Variants in DLGAP2 observed in about 807,000 individuals in gnomAD.
The protein encoded by DLGAP2 is disks large-associated protein 2.
Under a neutral mutation model 100.3 loss-of-function variants are expected in DLGAP2, and 26 were observed. The observed-to-expected ratio is 0.26, with a 90% CI of 0.19 to 0.36. DLGAP2 has a LOEUF of 0.36. DLGAP2 is among the 10% of genes least tolerant of loss of function. The pLI is 1.00. For synonymous variants in DLGAP2, 886 were observed against 630.1 expected (o/e 1.41, Z -6.08); for missense variants, 1,858 against 1,453.2 (o/e 1.28, Z -4.53).
At chr8:1,449,113 T>A (rs992675292) in intron 3 of DLGAP2, among the ~76,000 whole-genome samples, 6 of 152,140 alleles carry the variant, frequency 3.9e-5, no homozygotes, top group Non-Finnish European at 8.8e-5. Context: ...GCCTAATGAT[T>A]ATTAATTCCT....
chr8:1,570,885 G>C (rs1802632478), intron 6 of DLGAP2, among the ~76,000 whole-genome samples: 1 of 147,842 alleles, frequency 6.8e-6, no homozygotes, highest in Non-Finnish European at 1.5e-5. Context: ...AGAGAGAGGG[G>C]TGAACTGGAG....
At chr8:1,191,711 A>G (rs749292802) in intron 2 of DLGAP2, among the ~76,000 whole-genome samples, 63 of 152,244 alleles carry the variant, frequency 4.1e-4, no homozygotes, top group Non-Finnish European at 6.6e-4. Flanking sequence ...CTAACTCTTT[A>G]ATTTCCACCT....
intron 3 of DLGAP2, among the ~76,000 whole-genome samples, chr8:1,390,938 T>C (rs757887): frequency 0.7 from 106,063 of 152,166 alleles, 37,069 homozygotes; most frequent in Non-Finnish European, 0.72. Flanking sequence ...TTAAACACAG[T>C]CAGCATGGCA....
At chr8:1,449,168 A>G (rs1216485082) in intron 3 of DLGAP2, among the ~76,000 whole-genome samples, 1 of 152,142 alleles carries the variant, frequency 6.6e-6, no homozygotes, top group African/African-American at 2.4e-5. Flanking sequence ...AGTCACTTAT[A>G]TGATCACGCT....
At chr8:1,364,477 A>G (rs1802060374) in intron 3 of DLGAP2, among the ~76,000 whole-genome samples, 1 of 100,046 alleles carries the variant, frequency 1.0e-5, no homozygotes, top group South Asian at 3.8e-4. Flanking sequence ...TGCGAGAGGG[A>G]GGCGGGCGCC....
rs369666009 is a variant in DLGAP2, at chr8:1,484,751, A to T, written c.107-16615A>T. Among the ~76,000 whole-genome samples, 16 of 152,332 alleles carry T rather than the reference A, an allele frequency of 1.1e-4. 1 individual carries two copies. The East Asian group carries it at 1.2e-3, about 11-fold the overall frequency. On this transcript the variant is annotated intron_variant, in intron 3 of 14. Coordinates refer to ENST00000637795, the MANE Select transcript of DLGAP2 (RefSeq NM_001346810.2). Reference sequence around the variant, plus strand: ...AAAATTAAACCAACCATAGTTGGGCATCATATCTGAGGGACAGAGGTGGTA... The same window carrying T: ...AAAATTAAACCAACCATAGTTGGGCTTCATATCTGAGGGACAGAGGTGGTA...
chr8:751,008 G>C (rs1820776068), intron 1 of DLGAP2, among the ~76,000 whole-genome samples: 1 of 152,224 alleles, frequency 6.6e-6, no homozygotes, highest in African/African-American at 2.4e-5. Flanking sequence ...GGTGTCGGTA[G>C]GCACGCTGAT....
At chr8:863,862 A>G (rs1262642793) in intron 1 of DLGAP2, among the ~76,000 whole-genome samples, 2 of 152,086 alleles carry the variant, frequency 1.3e-5, no homozygotes, top group African/African-American at 2.4e-5. Flanking sequence ...ACTGGCTACA[A>G]CCCCAAGGAA....
chr8:1,206,416 T>G (rs1324597463), intron 2 of DLGAP2, among the ~76,000 whole-genome samples: 1 of 150,304 alleles, frequency 6.7e-6, no homozygotes, highest in East Asian at 2.0e-4. Context: ...TGGGGTAGAC[T>G]GTGAGCGGTT....
chr8:1,185,205 G>C (rs1292387283), intron 2 of DLGAP2, among the ~76,000 whole-genome samples: 3 of 152,214 alleles, frequency 2.0e-5, no homozygotes, highest in African/African-American at 7.2e-5. Context: ...CCTCTCCAGG[G>C]CTCCACAGAA....
intron 3 of DLGAP2, among the ~76,000 whole-genome samples, chr8:1,417,041 G>C (rs1410274782): frequency 2.9e-5 from 2 of 68,556 alleles, no homozygotes; most frequent in African/African-American, 1.6e-4. Flanking sequence ...CAGCGGTCCC[G>C]CCCCACACTG....
At chr8:1,335,382 G>A (rs774860719) in intron 3 of DLGAP2, among the ~76,000 whole-genome samples, 9 of 152,178 alleles carry the variant, frequency 5.9e-5, no homozygotes, top group Admixed American at 1.3e-4. Flanking sequence ...AGACAGTCCT[G>A]TTCACACTCA....
intron 3 of DLGAP2, among the ~76,000 whole-genome samples, chr8:1,476,962 G>A (rs762361777): frequency 2.0e-5 from 3 of 152,192 alleles, no homozygotes; most frequent in Non-Finnish European, 4.4e-5. Flanking sequence ...CAAGTCAGAC[G>A]GACATTGTGA....
chr8:1,410,802 G>C (rs1288618550), intron 3 of DLGAP2, among the ~76,000 whole-genome samples: 2 of 149,828 alleles, frequency 1.3e-5, no homozygotes, highest in African/African-American at 4.9e-5. Context: ...ACCTTTCCCT[G>C]TGGGAATGTC....
At chr8:1,023,488 A>T (rs1801686447) in intron 2 of DLGAP2, among the ~76,000 whole-genome samples, 1 of 152,158 alleles carries the variant, frequency 6.6e-6, no homozygotes, top group African/African-American at 2.4e-5. Flanking sequence ...ACACCGCAGC[A>T]CCTGGCTGGA....
chr8:912,453 C>T (rs527955177), intron 2 of DLGAP2, among the ~76,000 whole-genome samples: 8 of 152,262 alleles, frequency 5.3e-5, no homozygotes, highest in East Asian at 1.9e-4. Flanking sequence ...ACTGACTTTC[C>T]GATGCTGAGT....
At chr8:1,256,468 C>A (rs1369222857) in intron 2 of DLGAP2, among the ~76,000 whole-genome samples, 8 of 127,320 alleles carry the variant, frequency 6.3e-5, no homozygotes, top group African/African-American at 2.5e-4. Context: ...TGCGTGTCCT[C>A]TCCTGCCTGG....
rs1359683055 is a variant in DLGAP2, at chr8:748,043, T to C, written c.18+10218T>C. ...GCGGGTCTGCGGTGGGATGGGCGGG[T>C]CTGCGGTGGGATGGGCGGGTCTGCG... On this transcript the variant is annotated intron_variant, in intron 1 of 14. Coordinates refer to ENST00000637795, the MANE Select transcript of DLGAP2 (RefSeq NM_001346810.2). 6.1e-4 allele frequency among the ~76,000 whole-genome samples: 7 copies of C among 11,468 alleles called. 1 individual carries two copies. The highest frequency in any genetic ancestry group is 5.5e-3 in the Admixed American group (5 of 902). 7.5% of individuals were successfully genotyped at this position (11,468 alleles called of 152,430 possible). A position where few individuals can be genotyped will look rare whatever the true frequency, so the allele number is the denominator to read the frequency against.
At chr8:1,573,228 G>A (rs969653971) in intron 6 of DLGAP2, among the ~76,000 whole-genome samples, 3 of 134,732 alleles carry the variant, frequency 2.2e-5, no homozygotes, top group African/African-American at 2.9e-5. Context: ...AGAGGAGAGA[G>A]GGTGAACTGG....
Sources: allele counts gnomAD v4.1 joint callset (sites outside exome capture counted in the v4.1 genomes callset), GRCh38; gene constraint gnomAD v4.1.1; transcripts MANE v1.5; gene names NCBI Gene and HGNC (gene_info 2026-07-23, HGNC 2026-07-21).